BLNK: variants seen among roughly 807,000 people sequenced by gnomAD.
BLNK encodes B cell linker.
In BLNK, 29 loss-of-function variants were observed where a neutral mutation model predicts 73.5. That is an observed-to-expected ratio of 0.39 (90% confidence interval 0.29 to 0.54). The LOEUF is 0.54. BLNK is among the 20% of genes least tolerant of loss of function. BLNK has a pLI of 0.61. For synonymous variants in BLNK, 176 were observed against 200.8 expected (o/e 0.88, Z 1.04); for missense variants, 460 against 562.8 (o/e 0.82, Z 1.85).
At chr10:96,209,691 C>G in intron 9 of BLNK, 147 bp downstream of exon 9, 3 of 1,012,370 alleles carry the variant, frequency 3.0e-6, no homozygotes, top group Non-Finnish European at 4.6e-6. Flanking sequence ...CCATGCCTGG[C>G]TCATTTGATG....
At chr10:96,233,403 G>A (rs587768086) in intron 3 of BLNK, among the ~76,000 whole-genome samples, 1 of 152,222 alleles carries the variant, frequency 6.6e-6, no homozygotes, top group East Asian at 1.9e-4. Context: ...AATAAAGTTT[G>A]GATTATGCTG....
At chr10:96,195,477 C>A (rs1216663334) in intron 16 of BLNK, among the ~76,000 whole-genome samples, 2 of 152,180 alleles carry the variant, frequency 1.3e-5, no homozygotes, top group African/African-American at 4.8e-5. Flanking sequence ...ACTATGCAGC[C>A]TTAAAAAGGA....
At chr10:96,201,108 T>C (rs782351148) in intron 13 of BLNK, 50 bp from the exon 14 acceptor site, 1 of 1,490,008 alleles carries the variant, frequency 6.7e-7, no homozygotes, top group Admixed American at 1.7e-5. Context: ...TTTCTTGAAC[T>C]CTTTCTATGC....
In BLNK at chr10:96,190,999, C is replaced by T. The variant is rs913640259; in HGVS notation, c.*974G>A. On this transcript the variant is annotated 3_prime_UTR_variant, in exon 17 of 17. Coordinates refer to ENST00000224337, the MANE Select transcript of BLNK (RefSeq NM_013314.4). ...CATCTTGAATTGTAGCTCCCATAAT[C>T]CCCACGTGCCATGGGAGGGACCTGG... Among the ~76,000 whole-genome samples the T allele has an allele frequency of 1.3e-5, 2 of 152,122 alleles. No homozygotes were observed. Among genetic ancestry groups the T allele is most frequent in the Non-Finnish European group, 1.5e-5 (1 of 68,026 alleles).
intron 6 of BLNK, 75 bp downstream of exon 6, chr10:96,223,751 G>T: frequency 6.4e-7 from 1 of 1,550,878 alleles, no homozygotes; most frequent in Non-Finnish European, 8.9e-7. Flanking sequence ...AGGACAGCCA[G>T]CGGGCAGGCT....
At chr10:96,234,694 G>A (rs755632114) in intron 3 of BLNK, among the ~76,000 whole-genome samples, 9 of 152,190 alleles carry the variant, frequency 5.9e-5, no homozygotes, top group Non-Finnish European at 1.0e-4. Flanking sequence ...TAATGTTACC[G>A]TCATCTTGAG....
chr10:96,236,232 G>T (rs1842685376), intron 3 of BLNK, among the ~76,000 whole-genome samples: 1 of 152,116 alleles, frequency 6.6e-6, no homozygotes, highest in South Asian at 2.1e-4. Flanking sequence ...CTACCCGGCC[G>T]CCAGACCCTG....
chr10:96,242,498 C>T (rs180920874), intron 3 of BLNK, among the ~76,000 whole-genome samples: 173 of 152,256 alleles, frequency 1.1e-3, no homozygotes, highest in South Asian at 2.1e-3. Flanking sequence ...CTGTGTGTGC[C>T]TGGCACATGG....
intron 6 of BLNK, 87 bp downstream of exon 6, chr10:96,223,739 G>A (rs2084254656): frequency 1.3e-6 from 2 of 1,494,244 alleles, no homozygotes; most frequent in East Asian, 4.5e-5. Flanking sequence ...TTGTAAAGAA[G>A]GAGGACAGCC....
chr10:96,203,049 G>A (rs782220543), intron 13 of BLNK, among the ~76,000 whole-genome samples: 7 of 152,100 alleles, frequency 4.6e-5, no homozygotes, highest in African/African-American at 1.7e-4. Flanking sequence ...TTATTTGTGC[G>A]TTTATTTTTA....
At chr10:96,210,425 A>T in intron 8 of BLNK, 1 of 166,834 alleles carries the variant, frequency 6.0e-6, no homozygotes, top group Non-Finnish European at 1.3e-5. Flanking sequence ...CATTCAGAGG[A>T]TATTTACTCA....
chr10:96,261,690 A>G (rs1843761958), intron 1 of BLNK, among the ~76,000 whole-genome samples: 1 of 152,148 alleles, frequency 6.6e-6, no homozygotes, highest in Non-Finnish European at 1.5e-5. Flanking sequence ...ATATATGTAC[A>G]GAGTTCATTT....
chr10:96,246,957 T>G, intron 2 of BLNK, 27 bp downstream of exon 2: 4 of 1,496,818 alleles, frequency 2.7e-6, no homozygotes, highest in Non-Finnish European at 3.7e-6. Flanking sequence ...TTTATATAAT[T>G]AAGTATTTAA....
rs1591316040 is a variant in BLNK, at chr10:96,215,338, G to A, written c.659C>T (p.Pro220Leu). 6.2e-7 allele frequency: 1 copy of A among 1,613,960 alleles called. No individual in the cohort carries two copies. The highest frequency in any genetic ancestry group is 1.7e-5 in the Admixed American group (1 of 60,004). ...TKPNSSTPAS[P>L]PGTASGRNSG... The stretch of plus-strand genomic sequence containing the variant: ...CACTTTACCTGAAGCTGTTCCTGGA[G>A]GAGAGGCGGGCGTTGAGGAATTTGG... The change falls in exon 8 of 17, where the codon CCT (proline) becomes CTT (leucine). Residue 220 changes from proline to leucine, a missense_variant. Pro to Leu is a moderately conservative substitution (Grantham distance 98). Coordinates refer to ENST00000224337, the MANE Select transcript of BLNK (RefSeq NM_013314.4).
chr10:96,261,093 C>T (rs1017806582), intron 1 of BLNK, among the ~76,000 whole-genome samples: 1 of 152,084 alleles, frequency 6.6e-6, no homozygotes, highest in African/African-American at 2.4e-5. Flanking sequence ...GCTTTGTCCA[C>T]GTCGGCCTCC....
At chr10:96,244,708 A>G (rs1207381032) in intron 2 of BLNK, among the ~76,000 whole-genome samples, 1 of 152,216 alleles carries the variant, frequency 6.6e-6, no homozygotes, top group Non-Finnish European at 1.5e-5. Flanking sequence ...CATAATTTCC[A>G]GGCTGAGAAG....
chr10:96,201,190 C>T, intron 13 of BLNK, 132 bp from the exon 14 acceptor site: 1 of 807,312 alleles, frequency 1.2e-6, no homozygotes, highest in Non-Finnish European at 2.1e-6. Flanking sequence ...GCAATGGTTC[C>T]AAAAGTGTGG....
At chr10:96,254,030 A>T (rs548641925) in intron 1 of BLNK, among the ~76,000 whole-genome samples, 33 of 150,566 alleles carry the variant, frequency 2.2e-4, no homozygotes, top group African/African-American at 4.8e-4. Context: ...CAAAAAAAAT[A>T]AAAAAAATTA....
At chr10:96,212,872 A>T (rs782717652) in intron 8 of BLNK, among the ~76,000 whole-genome samples, 49 of 152,244 alleles carry the variant, frequency 3.2e-4, no homozygotes, top group Non-Finnish European at 6.0e-4. Flanking sequence ...CTGTTTGCAC[A>T]CTCGGAAACC....
Sources: gnomAD v4.1 joint callset for allele counts (sites outside exome capture counted in the v4.1 genomes callset) on GRCh38, gnomAD v4.1.1 for gene constraint, MANE v1.5 for transcripts, NCBI Gene and HGNC (gene_info 2026-07-23, HGNC 2026-07-21) for gene names.